The following MPHOSPH8 variants were observed in gnomAD, a reference collection of about 807,000 sequenced individuals.
The protein encoded by MPHOSPH8 is M-phase phosphoprotein 8.
In MPHOSPH8, 45 loss-of-function variants were observed where a neutral mutation model predicts 87.3. That is an observed-to-expected ratio of 0.52 (90% CI 0.41 to 0.66). MPHOSPH8 has a LOEUF of 0.66. MPHOSPH8 is among the 30% of genes least tolerant of loss of function. MPHOSPH8 has a pLI of 0.00. For missense variants in MPHOSPH8, 883 were observed against 1,020.2 expected (o/e 0.87, Z 1.83); for synonymous variants, 366 against 376.9 (o/e 0.97, Z 0.33).
At chr13:19,639,933 C>T (rs1242818792) in intron 1 of MPHOSPH8, among the ~76,000 whole-genome samples, 1 of 152,106 alleles carries the variant, frequency 6.6e-6, no homozygotes, top group Non-Finnish European at 1.5e-5. Context: ...GCCGAAACCC[C>T]ATCTCTACTA....
At chr13:19,668,916 A>G (rs1012302707) in intron 11 of MPHOSPH8, among the ~76,000 whole-genome samples, 1 of 152,172 alleles carries the variant, frequency 6.6e-6, no homozygotes, top group African/African-American at 2.4e-5. Context: ...AGAGATGGAG[A>G]AGCCACTTTC....
intron 1 of MPHOSPH8, among the ~76,000 whole-genome samples, chr13:19,635,053 A>C (rs1163039551): frequency 2.6e-5 from 4 of 152,260 alleles, no homozygotes; most frequent in African/African-American, 9.6e-5. Context: ...GGAGTTAAGT[A>C]ATTAAGAGCT....
intron 10 of MPHOSPH8, among the ~76,000 whole-genome samples, chr13:19,667,985 CG>C (rs1875908773): frequency 6.6e-6 from 1 of 152,140 alleles, no homozygotes; most frequent in South Asian, 2.1e-4. Context: ...TCTGGTCACA[CG>C]GGGGGTTTGC....
intron 9 of MPHOSPH8, 101 bp from the exon 10 acceptor site, chr13:19,666,324 G>A: frequency 2.4e-6 from 3 of 1,244,346 alleles, no homozygotes; most frequent in Non-Finnish European, 3.3e-6. Context: ...CATGGCCTGT[G>A]CCCTCTCTTC....
At position 19,633,744 on chromosome 13, in the gene MPHOSPH8, C is replaced by G; in HGVS notation, c.-5C>G. The G allele has an allele frequency of 6.3e-7, 1 of 1,585,720 alleles. No homozygotes were observed. Among genetic ancestry groups the G allele is most frequent in the Non-Finnish European group, 8.6e-7 (1 of 1,166,482 alleles). Reference sequence around the variant, plus strand: ...TTTTCCTCGGCGGTTTGCGGAGCTGCTAGGATGGAGCAGGTTGCGGAGGGA... The same window carrying G: ...TTTTCCTCGGCGGTTTGCGGAGCTGGTAGGATGGAGCAGGTTGCGGAGGGA... On this transcript the variant is annotated 5_prime_UTR_variant, in exon 1 of 14. Coordinates refer to ENST00000361479, the MANE Select transcript of MPHOSPH8 (RefSeq NM_017520.4).
At chr13:19,640,612 C>G (rs1220607880) in intron 1 of MPHOSPH8, among the ~76,000 whole-genome samples, 1 of 151,634 alleles carries the variant, frequency 6.6e-6, no homozygotes, top group Non-Finnish European at 1.5e-5. Context: ...CTTAAGCGAT[C>G]CTCCCACTTC....
intron 5 of MPHOSPH8, among the ~76,000 whole-genome samples, chr13:19,650,944 T>C (rs1874814428): frequency 6.6e-6 from 1 of 152,222 alleles, no homozygotes; most frequent in African/African-American, 2.4e-5. Context: ...TTGCTGAGCT[T>C]GCAGGAAATT....
chr13:19,649,691 G>T (rs1874741811), intron 4 of MPHOSPH8, among the ~76,000 whole-genome samples: 1 of 152,204 alleles, frequency 6.6e-6, no homozygotes, highest in African/African-American at 2.4e-5. Flanking sequence ...AGGTGCTGGT[G>T]TGACTTGGAT....
chr13:19,646,503 A>G lies in MPHOSPH8; in HGVS notation c.430A>G (p.Thr144Ala). The change falls in exon 3 of 14, where the codon ACA becomes GCA. Residue 144 changes from threonine (T) to alanine (A), a missense_variant. Coordinates refer to ENST00000361479, the MANE Select transcript of MPHOSPH8 (RefSeq NM_017520.4). Reference sequence around the variant, plus strand: ...CTCTGATAGCGATCAGCAAAGTGAGACAAAAGAAGATACTTCCCCAAAGAA... The same window carrying G: ...CTCTGATAGCGATCAGCAAAGTGAGGCAAAAGAAGATACTTCCCCAAAGAA... ...ANSDSDQQSE[T>A]KEDTSPKKKK... 6.4e-7 allele frequency: 1 copy of G among 1,568,086 alleles called. No individual in the cohort carries two copies. Among genetic ancestry groups the G allele is most frequent in the Non-Finnish European group, 8.6e-7 (1 of 1,168,136 alleles).
rs781427803 is a variant in MPHOSPH8 at position 19,671,175 on chromosome 13, C to T, written c.2458-31C>T. ...AGGGCTTCTGGTGTAAGTTTGAAAA[C>T]ACTGACTTTTTTTTTCTCTTTCCAT... On this transcript the variant is annotated intron_variant, in intron 12 of 13. Coordinates refer to ENST00000361479, the MANE Select transcript of MPHOSPH8 (RefSeq NM_017520.4). The T allele has an allele frequency of 4.6e-5, 74 of 1,606,892 alleles. 1 individual carries two copies. The highest frequency in any genetic ancestry group is 5.3e-5 in the Non-Finnish European group (62 of 1,178,180).
In MPHOSPH8 at chr13:19,646,897, C is replaced by G; in HGVS notation, c.824C>G (p.Pro275Arg). The change falls in exon 3 of 14, where the codon CCA becomes CGA. Residue 275 changes from proline (P) to arginine (R), a missense_variant. Coordinates refer to ENST00000361479, the MANE Select transcript of MPHOSPH8 (RefSeq NM_017520.4). The part of the protein sequence containing the change: ...ESSVLNDSPF[P>R]EDDSEGLHSD... ...AGTGTACTTAATGATTCTCCCTTTCCAGAGGATGACAGTGAAGGGCTACAT... is the reference window on the plus strand; with the variant it reads ...AGTGTACTTAATGATTCTCCCTTTCGAGAGGATGACAGTGAAGGGCTACAT... 6.2e-7 allele frequency: 1 copy of G among 1,602,762 alleles called. No homozygotes were observed. Among genetic ancestry groups the G allele is most frequent in the Admixed American group, 1.8e-5 (1 of 56,364 alleles).
intron 1 of MPHOSPH8, among the ~76,000 whole-genome samples, chr13:19,640,462 C>G (rs1036621549): frequency 6.6e-6 from 1 of 151,924 alleles, no homozygotes; most frequent in Non-Finnish European, 1.5e-5. Flanking sequence ...GAGATGGACT[C>G]TTGTATCTGG....
chr13:19,655,052 ATC>A (rs1279384022), intron 5 of MPHOSPH8, among the ~76,000 whole-genome samples: 1 of 152,226 alleles, frequency 6.6e-6, no homozygotes, highest in Non-Finnish European at 1.5e-5. Context: ...TTTAAAAAAA[ATC>A]TCATGATCAC....
chr13:19,643,664 G>T (rs1299244285), intron 2 of MPHOSPH8, among the ~76,000 whole-genome samples: 3 of 150,878 alleles, frequency 2.0e-5, no homozygotes, highest in Non-Finnish European at 4.4e-5. Context: ...TATTTTTTTT[G>T]GCACCAGTAC....
chr13:19,664,827 G>A (rs984425150), intron 9 of MPHOSPH8, among the ~76,000 whole-genome samples: 1 of 152,106 alleles, frequency 6.6e-6, no homozygotes, highest in African/African-American at 2.4e-5. Flanking sequence ...AGAGGTGTGG[G>A]CTGGAGATTC....
chr13:19,661,012 C>T, intron 7 of MPHOSPH8: 3 of 952,168 alleles, frequency 3.2e-6, no homozygotes, highest in Non-Finnish European at 3.8e-6. Flanking sequence ...GTAATCCCAT[C>T]TACTTGAGGC....
At chr13:19,671,354 C>T in intron 13 of MPHOSPH8, 65 bp downstream of exon 13, 1 of 1,448,570 alleles carries the variant, frequency 6.9e-7, no homozygotes, top group Non-Finnish European at 9.6e-7. Flanking sequence ...ACTTTATCAA[C>T]ATTAGAAAAA....
chr13:19,656,681 A>C (rs1333269755), intron 5 of MPHOSPH8, among the ~76,000 whole-genome samples: 1 of 151,830 alleles, frequency 6.6e-6, no homozygotes. Flanking sequence ...AATCGCTTCA[A>C]CCGGGAAGGC....
intron 1 of MPHOSPH8, among the ~76,000 whole-genome samples, chr13:19,641,425 C>T (rs370765415): frequency 2.8e-4 from 42 of 149,444 alleles, no homozygotes; most frequent in African/African-American, 1.0e-3. Flanking sequence ...TGGATACAAG[C>T]GATTCTCCTG....
Sources: gnomAD v4.1 joint callset for allele counts (sites outside exome capture counted in the v4.1 genomes callset) on GRCh38, gnomAD v4.1.1 for gene constraint, MANE v1.5 for transcripts, NCBI Gene and HGNC (gene_info 2026-07-23, HGNC 2026-07-21) for gene names.